ASTN2: variants seen among roughly 807,000 people sequenced by gnomAD.
ASTN2 encodes the protein astrotactin-2.
A neutral mutation model predicts 139.8 loss-of-function variants in ASTN2; 54 were observed. The ratio of observed to expected loss-of-function variants is 0.39; its 90% CI spans 0.31 to 0.48. ASTN2 has a LOEUF of 0.48. Among genes scored for constraint, ASTN2 ranks in the 20% least tolerant of loss-of-function variants. ASTN2 has a pLI of 0.95. For synonymous variants in ASTN2, 756 were observed against 719.5 expected, an observed-to-expected ratio of 1.05 and a Z score of -0.81; for missense variants, 1,565 against 1,725.1, an observed-to-expected ratio of 0.91 and a Z score of 1.64.
rs141875554 is a variant in ASTN2, at chr9:116,660,034, T to C, written c.2807-8241A>G. On this transcript the variant is annotated intron_variant, in intron 16 of 22. Coordinates refer to ENST00000313400, the MANE Select transcript of ASTN2 (RefSeq NM_001365068.1). ...TTGGGGTGTGGGGTCATACTACAAT[T>C]AAACAATTAACTAACTAGGTAGATG... Among the ~76,000 whole-genome samples the C allele has an allele frequency of 3.3e-4, 51 of 152,292 alleles. No homozygotes were observed. The East Asian group carries it at 7.9e-3, about 24-fold the overall frequency.
rs1861041527 is a variant in ASTN2 at position 116,699,100 on chromosome 9, A to G, written c.2806+26671T>C. The G allele has an allele frequency of 6.2e-7, 1 of 1,613,934 alleles. No individual in the cohort carries two copies. Among genetic ancestry groups the G allele is most frequent in the Non-Finnish European group, 8.5e-7 (1 of 1,179,892 alleles). On this transcript the variant is annotated intron_variant, in intron 16 of 22. Coordinates refer to ENST00000313400, the MANE Select transcript of ASTN2 (RefSeq NM_001365068.1). This position sits in a 1 kb window ranked among gnomAD's most constrained non-coding sequence, Gnocchi z 4.2. ...ACTGACAGCTATGATAACTCCCTCA[A>G]GGTATATACCTTGGATGGCCACTGC...
chr9:117,270,258 G>A lies in ASTN2; in HGVS notation c.630+21068C>T, dbSNP rs138014894. Among the ~76,000 whole-genome samples the A allele has an allele frequency of 7.4e-4, 112 of 152,276 alleles. No individual in the cohort carries two copies. The East Asian group carries it at 0.018, about 24-fold the overall frequency. ...GTACAACACATAATAGTTTGCTATAGGTGTAATGTGGTGCAGCAGATCCCT... is the reference window on the plus strand; with the variant it reads ...GTACAACACATAATAGTTTGCTATAAGTGTAATGTGGTGCAGCAGATCCCT... On this transcript the variant is annotated intron_variant, in intron 2 of 22. Coordinates refer to ENST00000313400, the MANE Select transcript of ASTN2 (RefSeq NM_001365068.1).
intron 16 of ASTN2, among the ~76,000 whole-genome samples, chr9:116,671,111 T>C (rs1340842761): frequency 6.6e-6 from 1 of 152,152 alleles, no homozygotes; most frequent in Non-Finnish European, 1.5e-5. Flanking sequence ...AAAAAATTAT[T>C]TCAAACATTT....
At chr9:116,948,955 C>T (rs1286507184) in intron 10 of ASTN2, among the ~76,000 whole-genome samples, 1 of 151,416 alleles carries the variant, frequency 6.6e-6, no homozygotes, top group Non-Finnish European at 1.5e-5. Flanking sequence ...CCACCATTGG[C>T]TAATTTTTTA....
intron 3 of ASTN2, among the ~76,000 whole-genome samples, chr9:117,168,890 T>C (rs1229062083): frequency 6.6e-6 from 1 of 152,172 alleles, no homozygotes; most frequent in African/African-American, 2.4e-5. Context: ...ACCTAACTTG[T>C]AGTGCGAAAA....
At chr9:116,863,483 T>C in intron 11 of ASTN2, 100 bp downstream of exon 11, 2 of 1,482,322 alleles carry the variant, frequency 1.3e-6, no homozygotes, top group Admixed American at 2.0e-5. Flanking sequence ...GTAGTGTGGA[T>C]ATGATCCTCC....
At chr9:117,060,787 C>G (rs981476966) in intron 5 of ASTN2, among the ~76,000 whole-genome samples, 4 of 151,230 alleles carry the variant, frequency 2.6e-5, no homozygotes, top group Non-Finnish European at 5.9e-5. Flanking sequence ...CCCAGCTACT[C>G]GGGAGGCTGA....
intron 6 of ASTN2, among the ~76,000 whole-genome samples, chr9:117,024,933 G>A (rs1336664599): frequency 6.6e-6 from 1 of 151,938 alleles, no homozygotes; most frequent in African/African-American, 2.4e-5. Flanking sequence ...GGTTATAAGG[G>A]GAAAGCCCTT....
At chr9:116,432,438 T>C (rs1182132081) in intron 22 of ASTN2, among the ~76,000 whole-genome samples, 1 of 152,216 alleles carries the variant, frequency 6.6e-6, no homozygotes, top group Non-Finnish European at 1.5e-5. Context: ...CAACACTTAG[T>C]GTTTAGACCT....
chr9:116,437,177 C>T, intron 22 of ASTN2: 1 of 368,422 alleles, frequency 2.7e-6, no homozygotes, highest in East Asian at 7.4e-5. Flanking sequence ...TGCACATGTA[C>T]CCTAAAACTT....
chr9:116,437,947 TC>T (rs983908520), intron 22 of ASTN2, among the ~76,000 whole-genome samples: 1 of 152,184 alleles, frequency 6.6e-6, no homozygotes, highest in Non-Finnish European at 1.5e-5. Flanking sequence ...TTGCAAATGT[TC>T]TAAGGGCTCA....
At chr9:117,215,704 C>T (rs1588091639) in intron 2 of ASTN2, among the ~76,000 whole-genome samples, 1 of 152,168 alleles carries the variant, frequency 6.6e-6, no homozygotes, top group East Asian at 1.9e-4. Flanking sequence ...TGAGGGTTTG[C>T]ATTCTCCAGG....
intron 11 of ASTN2, among the ~76,000 whole-genome samples, chr9:116,850,624 T>A (rs1832572645): frequency 6.6e-6 from 1 of 152,222 alleles, no homozygotes; most frequent in Non-Finnish European, 1.5e-5. Flanking sequence ...GATTCAGAGA[T>A]CCAAAGTTAC....
intron 3 of ASTN2, among the ~76,000 whole-genome samples, chr9:117,160,748 C>T (rs1830531690): frequency 6.6e-6 from 1 of 151,814 alleles, no homozygotes; most frequent in African/African-American, 2.4e-5. Context: ...GTGTGCAAAC[C>T]CCAGCTTATA....
intron 2 of ASTN2, among the ~76,000 whole-genome samples, chr9:117,270,979 A>G (rs751832114): frequency 1.3e-5 from 2 of 152,214 alleles, no homozygotes; most frequent in Admixed American, 6.5e-5. Flanking sequence ...TCAGCTTTGA[A>G]CAGATACTTT....
At chr9:117,296,582 C>A (rs989800707) in intron 1 of ASTN2, among the ~76,000 whole-genome samples, 1 of 152,198 alleles carries the variant, frequency 6.6e-6, no homozygotes, top group African/African-American at 2.4e-5. Flanking sequence ...ATATTACAAT[C>A]AAAGTTTAAG....
chr9:116,759,202 A>G (rs1444845631), intron 13 of ASTN2, among the ~76,000 whole-genome samples: 4 of 152,174 alleles, frequency 2.6e-5, no homozygotes, highest in Non-Finnish European at 4.4e-5. Context: ...AATATCTATC[A>G]TAGACTCTAC....
At chr9:116,920,112 T>C (rs1171876462) in intron 10 of ASTN2, among the ~76,000 whole-genome samples, 1 of 151,922 alleles carries the variant, frequency 6.6e-6, no homozygotes, top group Non-Finnish European at 1.5e-5. Flanking sequence ...GAAATGGGGG[T>C]TGGATTAGAT....
chr9:116,541,077 T>C (rs1851859299), intron 19 of ASTN2, among the ~76,000 whole-genome samples: 1 of 151,912 alleles, frequency 6.6e-6, no homozygotes, highest in Admixed American at 6.6e-5. Flanking sequence ...AGGAAAGAAA[T>C]ATGCCAAAAT....
Sources: allele counts gnomAD v4.1 joint callset (sites outside exome capture counted in the v4.1 genomes callset), GRCh38; gene constraint gnomAD v4.1.1; non-coding constraint Gnocchi (gnomAD v3.1); transcripts MANE v1.5; gene names NCBI Gene and HGNC (gene_info 2026-07-23, HGNC 2026-07-21).